CECR2: variants seen among roughly 807,000 people sequenced by gnomAD.
The protein encoded by CECR2 is chromatin remodeling regulator CECR2.
A neutral mutation model predicts 154.5 loss-of-function variants in CECR2; 30 were observed. The ratio of observed to expected loss-of-function variants is 0.19; its 90% confidence interval spans 0.15 to 0.26. The LOEUF is 0.26. Ranked by LOEUF, CECR2 falls within the 10% of genes least tolerant of loss-of-function variation. The pLI is 1.00. For missense variants in CECR2, 1,743 were observed against 1,829.3 expected (o/e 0.95, Z 0.86); for synonymous variants, 725 against 683.7 (o/e 1.06, Z -0.94).
rs117628808 is a variant in CECR2 at position 17,472,731 on chromosome 22, A to C, written c.127-4857A>C. Among the ~76,000 whole-genome samples, 1,177 of 152,298 alleles carry C rather than the reference A, an allele frequency of 7.7e-3. 66 individuals carry two copies. In the East Asian group the frequency reaches 0.16, roughly 21 times the overall value. ...GCAAAAGATTAATGAAAATTTATAC[A>C]GGGATTAGAAACACATCAAACAAGA... On this transcript the variant is annotated intron_variant, in intron 1 of 18. Transcript: ENST00000262608.
intron 9 of CECR2, among the ~76,000 whole-genome samples, chr22:17,526,978 G>A (rs2146974804): frequency 6.6e-6 from 1 of 152,180 alleles, no homozygotes; most frequent in Middle Eastern, 3.4e-3. Context: ...CACAGCAAAG[G>A]AAACAACCAG....
upstream of CECR2, among the ~76,000 whole-genome samples, chr22:17,367,836 C>T (rs1028293351): frequency 1.3e-5 from 2 of 152,206 alleles, no homozygotes; most frequent in Admixed American, 6.5e-5. Context: ...GCAATACTCA[C>T]GGGGTAGCTG....
chr22:17,447,033 C>CTGTTTTTTTTTTTTTTTTTTT lies in CECR2; in HGVS notation c.127-30554_127-30553insGTTTTTTTTTTTTTTTTTTTT, dbSNP rs1339121774. Reference sequence around the variant, plus strand: ...GAGTGCTGAGTGGTGCGTTTACAATCTTTTTTTTTTTTTTTTTTTGAGACA... The same window carrying CTGTTTTTTTTTTTTTTTTTTT: ...GAGTGCTGAGTGGTGCGTTTACAATCTGTTTTTTTTTTTTTTTTTTTTTTTTTTTTTTTTTTTTTTGAGACA... On this transcript the variant is annotated intron_variant, in intron 1 of 18. Transcript: ENST00000262608. Among the ~76,000 whole-genome samples, 85 of 114,102 alleles carry CTGTTTTTTTTTTTTTTTTTTT rather than the reference C, an allele frequency of 7.4e-4. 17 individuals carry two copies. Among genetic ancestry groups the CTGTTTTTTTTTTTTTTTTTTT allele is most frequent in the African/African-American group, 2.9e-3 (78 of 26,694 alleles). The allele number at this position is 114,102 out of a possible 152,430, so 74.9% of individuals were successfully genotyped here.
At chr22:17,363,216 A>T (rs186172624) in intron 1 of CECR2, among the ~76,000 whole-genome samples, 3,851 of 142,212 alleles carry the variant, frequency 0.027, 53 homozygotes, top group Non-Finnish European at 0.044. Context: ...CACCTGGCTA[A>T]TTTTTTTTTT....
intron 1 of CECR2, among the ~76,000 whole-genome samples, chr22:17,396,384 C>T (rs76396747): frequency 0.081 from 12,315 of 152,020 alleles, 577 homozygotes; most frequent in East Asian, 0.17. Context: ...GTCTCTACTA[C>T]GAAATACAAA....
intron 1 of CECR2, among the ~76,000 whole-genome samples, chr22:17,394,051 C>T (rs188155220): frequency 1.3e-5 from 2 of 151,820 alleles, no homozygotes; most frequent in Non-Finnish European, 2.9e-5. Context: ...CCAGGCCTGG[C>T]TAATTTTGTA....
At chr22:17,529,270 A>C (rs1303626531) in intron 9 of CECR2, among the ~76,000 whole-genome samples, 7 of 152,132 alleles carry the variant, frequency 4.6e-5, no homozygotes, top group Admixed American at 4.6e-4. Context: ...AAGCAAGCAC[A>C]GGAAGGCTGG....
rs75750389 is a variant in CECR2 at position 17,510,180 on chromosome 22, G to A, written c.871-1633G>A. ...ATCAAGAATAGCATTTTTCTCATTC[G>A]TAGCTTTTATCTGATTTGGCAGGGT... On this transcript the variant is annotated intron_variant, in intron 7 of 18. Coordinates refer to ENST00000262608, the MANE Select transcript of CECR2 (RefSeq NM_001290047.2). Among the ~76,000 whole-genome samples the A allele has an allele frequency of 4.6e-3, 703 of 152,288 alleles. 2 individuals carry two copies. Among genetic ancestry groups the A allele is most frequent in the African/African-American group, 0.016 (663 of 41,570 alleles).
At chr22:17,396,903 A>G (rs1356340976) in intron 1 of CECR2, among the ~76,000 whole-genome samples, 1 of 152,196 alleles carries the variant, frequency 6.6e-6, no homozygotes, top group African/African-American at 2.4e-5. Context: ...TGGATTTGAG[A>G]GTAGGAGACA....
At chr22:17,388,559 C>T (rs965439392) in intron 1 of CECR2, among the ~76,000 whole-genome samples, 14 of 152,208 alleles carry the variant, frequency 9.2e-5, no homozygotes, top group African/African-American at 2.9e-4. Context: ...ACATCCAGTG[C>T]GGGTTCTTGA....
Position 17,549,062 on chromosome 22 carries a change from C to T in CECR2, c.3775C>T (p.Pro1259Ser). The T allele has an allele frequency of 6.2e-7, 1 of 1,614,036 alleles. No individual in the cohort carries two copies. Among genetic ancestry groups the T allele is most frequent in the South Asian group, 1.1e-5 (1 of 91,084 alleles). The change falls in exon 17 of 19, where the codon CCA becomes TCA. Residue 1259 changes from proline (P) to serine (S), a missense_variant. This residue lies in a region of CECR2 where 1,250 missense variants were observed against 1,192.1 expected (regional missense o/e 1.05). Coordinates refer to ENST00000262608, the MANE Select transcript of CECR2 (RefSeq NM_001290047.2). ...GACACTGAATGCTGCCTTAACTTCT[C>T]CAACCCGTATGGATGCAGTGGCTGC... The part of the protein sequence containing the change: ...CETLNAALTS[P>S]TRMDAVAAKV...
At chr22:17,509,872 G>T (rs2055911066) in intron 7 of CECR2, among the ~76,000 whole-genome samples, 1 of 152,152 alleles carries the variant, frequency 6.6e-6, no homozygotes, top group African/African-American at 2.4e-5. Flanking sequence ...GCCATCAGAA[G>T]ATTTGATACA....
intron 1 of CECR2, among the ~76,000 whole-genome samples, chr22:17,382,159 G>A (rs9605270): frequency 0.027 from 4,033 of 151,854 alleles, 73 homozygotes; most frequent in African/African-American, 0.048. Context: ...CAAAGTGCTG[G>A]GATTACAGGC....
intron 15 of CECR2, 95 bp downstream of exon 15, chr22:17,542,062 T>TC: frequency 6.4e-7 from 1 of 1,568,982 alleles, no homozygotes; most frequent in Non-Finnish European, 8.6e-7. Flanking sequence ...GTTCATTGCG[T>TC]CCTTTCCCAA....
chr22:17,539,831 T>C (rs1368868693), intron 13 of CECR2, among the ~76,000 whole-genome samples: 1 of 152,170 alleles, frequency 6.6e-6, no homozygotes. Flanking sequence ...CTGGCATTTT[T>C]TTTCTTTATT....
chr22:17,470,304 G>C (rs1318156729), intron 1 of CECR2, among the ~76,000 whole-genome samples: 2 of 151,530 alleles, frequency 1.3e-5, no homozygotes, highest in African/African-American at 4.9e-5. Context: ...TGGGCATGGT[G>C]GTGCACGACT....
intron 1 of CECR2, among the ~76,000 whole-genome samples, chr22:17,449,437 G>C (rs2054730578): frequency 6.9e-6 from 1 of 144,672 alleles, no homozygotes; most frequent in African/African-American, 2.5e-5. Flanking sequence ...GGTCTCAGGA[G>C]TTCTCCCATT....
chr22:17,486,438 G>C (rs756157742), intron 2 of CECR2, among the ~76,000 whole-genome samples: 7 of 152,240 alleles, frequency 4.6e-5, no homozygotes, highest in Non-Finnish European at 8.8e-5. Flanking sequence ...CTGTGTGCCT[G>C]TATGTGACAC....
At chr22:17,551,621 G>A (rs1392442639) in intron 17 of CECR2, among the ~76,000 whole-genome samples, 3 of 151,894 alleles carry the variant, frequency 2.0e-5, no homozygotes, top group South Asian at 2.1e-4. Context: ...GACCAGCCTC[G>A]GCAACATAGT....
Sources: allele counts gnomAD v4.1 joint callset (sites outside exome capture counted in the v4.1 genomes callset), GRCh38; gene constraint gnomAD v4.1.1; regional missense constraint gnomAD v4.1.1; transcripts MANE v1.5; gene names NCBI Gene and HGNC (gene_info 2026-07-23, HGNC 2026-07-21).